GLRA3: variants seen among roughly 807,000 people sequenced by gnomAD.
GLRA3 encodes the protein glycine receptor alpha 3.
Under a neutral mutation model 60.4 loss-of-function variants are expected in GLRA3, and 44 were observed. The ratio of observed to expected loss-of-function variants is 0.73; its 90% CI spans 0.57 to 0.94. The LOEUF (loss-of-function observed/expected upper bound fraction) is 0.94. Among genes scored for constraint, GLRA3 ranks in the 40% least tolerant of loss-of-function variants. The pLI is 0.00. For synonymous variants in GLRA3, 223 were observed against 192.9 expected (o/e 1.16, Z -1.29); for missense variants, 508 against 564.6 (o/e 0.90, Z 1.02).
At chr4:174,709,010 A>G (rs1219369282) in intron 5 of GLRA3, among the ~76,000 whole-genome samples, 4 of 151,946 alleles carry the variant, frequency 2.6e-5, no homozygotes, top group African/African-American at 9.7e-5. Context: ...ATATCATTCT[A>G]TATTAGTTAT....
At chr4:174,674,032 C>T (rs1734009601) in intron 7 of GLRA3, among the ~76,000 whole-genome samples, 1 of 152,162 alleles carries the variant, frequency 6.6e-6, no homozygotes, top group Non-Finnish European at 1.5e-5. Flanking sequence ...CTCTCTAGCT[C>T]TGTTGCTACC....
At chr4:174,770,609 G>GT (rs1738342269) in intron 2 of GLRA3, among the ~76,000 whole-genome samples, 1 of 10,476 alleles carries the variant, frequency 9.5e-5, no homozygotes, top group Non-Finnish European at 2.7e-4. Flanking sequence ...ACATAGGAAT[G>GT]TCTAGAACAC....
chr4:174,734,449 G>T (rs1483797465), intron 3 of GLRA3, among the ~76,000 whole-genome samples: 2 of 152,200 alleles, frequency 1.3e-5, no homozygotes, highest in East Asian at 3.9e-4. Context: ...CATTGGGAAA[G>T]TGCCTTTCAA....
In GLRA3 at chr4:174,643,614, C is replaced by A; in HGVS notation, c.*172G>T. 1 of 1,349,182 alleles carries A rather than the reference C, an allele frequency of 7.4e-7. No individual in the cohort carries two copies. Among genetic ancestry groups the A allele is most frequent in the East Asian group, 2.6e-5 (1 of 38,918 alleles). The allele number at this position is 1,349,182 out of a possible 1,614,324, so 83.6% of individuals were successfully genotyped here. On this transcript the variant is annotated 3_prime_UTR_variant, in exon 10 of 10. Coordinates refer to ENST00000274093, the MANE Select transcript of GLRA3 (RefSeq NM_006529.4). ...AATATTTTATATTCATTAAAAGAATCTCATCTTTCTCATGACTTTGCATAG... is the reference window on the plus strand; with the variant it reads ...AATATTTTATATTCATTAAAAGAATATCATCTTTCTCATGACTTTGCATAG...
chr4:174,759,147 T>C (rs1374586650), intron 3 of GLRA3, among the ~76,000 whole-genome samples: 3 of 152,016 alleles, frequency 2.0e-5, no homozygotes, highest in Non-Finnish European at 4.4e-5. Flanking sequence ...TGTTGAAACA[T>C]CAAGACAAGA....
At chr4:174,807,721 G>T (rs1740105439) in intron 1 of GLRA3, among the ~76,000 whole-genome samples, 1 of 152,002 alleles carries the variant, frequency 6.6e-6, no homozygotes, top group South Asian at 2.1e-4. Context: ...GAGCCTACAA[G>T]ATAAAAAGAT....
At chr4:174,744,832 A>C (rs6824521) in intron 3 of GLRA3, among the ~76,000 whole-genome samples, 1 of 152,088 alleles carries the variant, frequency 6.6e-6, no homozygotes, top group Non-Finnish European at 1.5e-5. Context: ...ATTATGAAAA[A>C]GGAATTCAAA....
rs73000665 is a variant in GLRA3, at chr4:174,670,845, T to C, written c.927+6233A>G. The stretch of plus-strand genomic sequence containing the variant: ...AGAACTAGAGATATCCATCAATTTC[T>C]ATCCTTCTTATCATAGAATCCACCC... On this transcript the variant is annotated intron_variant, in intron 7 of 9. Transcript: ENST00000274093. Among the ~76,000 whole-genome samples the C allele has an allele frequency of 7.4e-4, 113 of 152,298 alleles. 1 individual carries two copies. Among genetic ancestry groups the C allele is most frequent in the African/African-American group, 2.5e-3 (106 of 41,582 alleles).
At chr4:174,692,946 A>T (rs367572863) in intron 5 of GLRA3, among the ~76,000 whole-genome samples, 13 of 145,170 alleles carry the variant, frequency 9.0e-5, no homozygotes, top group African/African-American at 2.5e-4. Context: ...TAAAAAAAAA[A>T]TAAAAAAAAA....
intron 6 of GLRA3, 88 bp from the exon 7 acceptor site, chr4:174,677,380 G>A: frequency 1.3e-6 from 1 of 757,690 alleles, no homozygotes; most frequent in Admixed American, 2.1e-5. Context: ...TTTTTTTTGA[G>A]ACAGGGTCTC....
chr4:174,692,195 G>C (rs1425976992), intron 5 of GLRA3, among the ~76,000 whole-genome samples: 1 of 150,472 alleles, frequency 6.6e-6, no homozygotes, highest in African/African-American at 2.4e-5. Flanking sequence ...TCTCCACCCA[G>C]CAGCCACCCC....
chr4:174,825,104 T>C (rs1462276486), intron 1 of GLRA3, among the ~76,000 whole-genome samples: 1 of 152,104 alleles, frequency 6.6e-6, no homozygotes, highest in Non-Finnish European at 1.5e-5. Flanking sequence ...GATTCTTCTA[T>C]ACCTGGGACA....
At chr4:174,737,070 T>C (rs1308965966) in intron 3 of GLRA3, among the ~76,000 whole-genome samples, 1 of 152,236 alleles carries the variant, frequency 6.6e-6, no homozygotes, top group Non-Finnish European at 1.5e-5. Context: ...TTTATCTATT[T>C]ACTTCACACT....
In GLRA3 at chr4:174,643,671, AT is replaced by A; in HGVS notation, c.*114del. 7.0e-7 allele frequency: 1 copy of A among 1,425,608 alleles called. No homozygotes were observed. 88.3% of individuals were successfully genotyped at this position (1,425,608 alleles called of 1,614,324 possible). On this transcript the variant is annotated 3_prime_UTR_variant, in exon 10 of 10. Coordinates refer to ENST00000274093, the MANE Select transcript of GLRA3 (RefSeq NM_006529.4). ...AAAATACAAAGCTTTTCCATATGCC[AT>A]TTTAATACAATGGTCATCATTTGTA...
At chr4:174,740,515 G>A (rs1024907061) in intron 3 of GLRA3, among the ~76,000 whole-genome samples, 1 of 152,108 alleles carries the variant, frequency 6.6e-6, no homozygotes, top group South Asian at 2.1e-4. Context: ...ATGACAAGAG[G>A]AGCAGAAAAG....
At chr4:174,708,633 CT>C (rs1467578764) in intron 5 of GLRA3, among the ~76,000 whole-genome samples, 13 of 139,054 alleles carry the variant, frequency 9.3e-5, no homozygotes, top group African/African-American at 3.5e-4. Flanking sequence ...GAGTTTCGCT[CT>C]TGTTGCCCGG....
chr4:174,699,922 T>C (rs1046575115), intron 5 of GLRA3, among the ~76,000 whole-genome samples: 1 of 151,868 alleles, frequency 6.6e-6, no homozygotes, highest in African/African-American at 2.4e-5. Flanking sequence ...CTTAACAAAA[T>C]TATTTGTTAA....
chr4:174,676,369 A>T (rs557018097), intron 7 of GLRA3, among the ~76,000 whole-genome samples: 3 of 152,246 alleles, frequency 2.0e-5, no homozygotes, highest in African/African-American at 7.2e-5. Flanking sequence ...GTGCAGCACT[A>T]TGGGCACTCT....
At chr4:174,789,088 T>G in intron 1 of GLRA3, 145 bp from the exon 2 acceptor site, 3 of 508,312 alleles carry the variant, frequency 5.9e-6, no homozygotes, top group South Asian at 3.5e-5. Flanking sequence ...AAGATTATAA[T>G]AAGATAGACA....
Sources: gnomAD v4.1 joint callset for allele counts (sites outside exome capture counted in the v4.1 genomes callset) on GRCh38, gnomAD v4.1.1 for gene constraint, MANE v1.5 for transcripts, NCBI Gene and HGNC (gene_info 2026-07-23, HGNC 2026-07-21) for gene names.